HYDIN: variants seen among roughly 807,000 people sequenced by gnomAD.
HYDIN encodes HYDIN axonemal central pair apparatus protein, also known as axonemal central pair apparatus protein HYDIN.
In HYDIN, 132 loss-of-function variants were observed where a neutral mutation model predicts 403.9. The ratio of observed to expected loss-of-function variants is 0.33; its 90% CI spans 0.28 to 0.38. The LOEUF (loss-of-function observed/expected upper bound fraction) is 0.38. Ranked by LOEUF, HYDIN falls within the 10% of genes least tolerant of loss-of-function variation. The pLI, the probability that HYDIN is intolerant of heterozygous loss-of-function variation, is 1.00. For missense variants in HYDIN, 2,827 were observed against 5,009.5 expected (o/e 0.56, Z 13.15); for synonymous variants, 1,202 against 1,891.7 (o/e 0.64, Z 9.46).
intron 7 of HYDIN, among the ~76,000 whole-genome samples, chr16:71,152,340 A>G (rs917030185): frequency 1.1e-4 from 16 of 151,920 alleles, no homozygotes; most frequent in Admixed American, 1.0e-3. Flanking sequence ...AATTTTTTAA[A>G]ATTGATTTTA....
At chr16:71,131,738 A>C (rs1392312937) in intron 8 of HYDIN, 1 of 144,554 alleles carries the variant, frequency 6.9e-6, no homozygotes, top group Non-Finnish European at 1.5e-5. Flanking sequence ...ATAGATGATG[A>C]AACTGAGGCT....
chr16:70,945,007 C>T (rs563265322), intron 41 of HYDIN, among the ~76,000 whole-genome samples: 1 of 152,342 alleles, frequency 6.6e-6, no homozygotes, highest in South Asian at 2.1e-4. Context: ...CCTGCCTCGG[C>T]CTCCCAAAGT....
At chr16:70,929,822 G>A (rs1157725664) in intron 45 of HYDIN, among the ~76,000 whole-genome samples, 36 of 143,508 alleles carry the variant, frequency 2.5e-4, no homozygotes, top group African/African-American at 8.3e-4. Flanking sequence ...GGATTTAGGC[G>A]AATCTAAGCC....
intron 45 of HYDIN, among the ~76,000 whole-genome samples, chr16:70,930,296 CA>C (rs2077279255): frequency 6.6e-6 from 1 of 152,262 alleles, no homozygotes; most frequent in South Asian, 2.1e-4. Flanking sequence ...TCTTGGCCAA[CA>C]TGGCGAAACC....
chr16:70,871,150 T>C (rs2040070931), intron 65 of HYDIN, among the ~76,000 whole-genome samples: 1 of 151,874 alleles, frequency 6.6e-6, no homozygotes, highest in South Asian at 2.1e-4. Context: ...TAAAGTGGTA[T>C]ACCAGCTCTA....
At chr16:71,137,886 TAAAACAAAACAAAAC>T (rs55688728) in intron 7 of HYDIN, among the ~76,000 whole-genome samples, 1 of 150,170 alleles carries the variant, frequency 6.7e-6, no homozygotes. Flanking sequence ...AAACAGCAAT[TAAAACAAAACAAAAC>T]AAAACAAAAC....
Sources: allele counts gnomAD v4.1 joint callset (sites outside exome capture counted in the v4.1 genomes callset), GRCh38; gene constraint gnomAD v4.1.1; transcripts MANE v1.5; gene names NCBI Gene and HGNC (gene_info 2026-07-23, HGNC 2026-07-21).